The following OTUD7A variants were observed in gnomAD, a reference collection of about 807,000 sequenced individuals.
OTUD7A encodes the protein OTU domain-containing protein 7A.
OTUD7A carries 12 observed loss-of-function variants against 65.7 expected under a neutral mutation model. The ratio of observed to expected loss-of-function variants is 0.18; its 90% confidence interval spans 0.12 to 0.30. The LOEUF (loss-of-function observed/expected upper bound fraction) is 0.30, where lower values mean the gene tolerates loss of function less well. Among genes scored for constraint, OTUD7A ranks in the 10% least tolerant of loss-of-function variants. The pLI is 1.00. For missense variants in OTUD7A, 1,148 were observed against 1,304.8 expected, an observed-to-expected ratio of 0.88 and a Z score of 1.85; for synonymous variants, 641 against 586.3, an observed-to-expected ratio of 1.09 and a Z score of -1.35.
At chr15:31,860,631 ATATATATATATATGTATGTATGTG>A (rs1897697242) in intron 1 of OTUD7A, among the ~76,000 whole-genome samples, 2 of 122,588 alleles carry the variant, frequency 1.6e-5, no homozygotes, top group African/African-American at 5.7e-5. Flanking sequence ...AGATATATAT[ATATATATATATATGTATGTATGTG>A]TGTATATATA....
intron 1 of OTUD7A, among the ~76,000 whole-genome samples, chr15:31,774,872 T>C (rs905432): frequency 0.67 from 102,158 of 151,420 alleles, 35,265 homozygotes; most frequent in South Asian, 0.8. Flanking sequence ...ACCACCCAAG[T>C]GGATTGTGAC....
intron 1 of OTUD7A, among the ~76,000 whole-genome samples, chr15:31,769,988 T>G (rs1200842139): frequency 6.6e-6 from 1 of 152,170 alleles, no homozygotes; most frequent in Non-Finnish European, 1.5e-5. Context: ...ATTAAAAATG[T>G]AACTATATTA....
Position 31,484,689 on chromosome 15 carries a change from C to T in OTUD7A, c.1407G>A (p.Ser469=), listed in dbSNP as rs770011556. The change falls in exon 13 of 13, where the codon TCG becomes TCA. Residue 469 remains serine (S), a synonymous_variant. Coordinates refer to ENST00000307050, the MANE Select transcript of OTUD7A (RefSeq NM_001382637.1). The surrounding 1 kb of genome is among the most constrained non-coding windows in gnomAD (Gnocchi z 4.5). The stretch of plus-strand genomic sequence containing the variant: ...CCAGGGACTGCACGTCCTCCCCTGC[C>T]GAGGCCGTGGGAGACTCCGGCTGTG... ...PLAQPESPTA[S]AGEDVQSLAD... is the part of the protein sequence containing the mutation. 2.1e-5 allele frequency: 34 copies of T among 1,583,842 alleles called. No homozygotes were observed. The highest frequency in any genetic ancestry group is 1.6e-4 in the Middle Eastern group (1 of 6,070).
At chr15:31,695,141 G>A (rs1893047930) in intron 1 of OTUD7A, among the ~76,000 whole-genome samples, 1 of 152,026 alleles carries the variant, frequency 6.6e-6, no homozygotes. Context: ...CACCGCCCCG[G>A]CCATGTTTTA....
chr15:31,841,653 A>G (rs1234203905), intron 1 of OTUD7A, among the ~76,000 whole-genome samples: 1 of 152,288 alleles, frequency 6.6e-6, no homozygotes, highest in East Asian at 1.9e-4. Flanking sequence ...CTCTGTCAAG[A>G]CCAGTACTCC....
chr15:31,615,795 G>A (rs746023939), intron 3 of OTUD7A, among the ~76,000 whole-genome samples: 3 of 152,356 alleles, frequency 2.0e-5, no homozygotes, highest in South Asian at 2.1e-4. Flanking sequence ...CTGTGCCACC[G>A]TGCCCAGGTG....
intron 4 of OTUD7A, among the ~76,000 whole-genome samples, chr15:31,561,784 TCA>T (rs3075495): frequency 2.5e-4 from 37 of 150,454 alleles, no homozygotes; most frequent in Middle Eastern, 3.4e-3. Flanking sequence ...ACACACAGAG[TCA>T]CACACACACA....
chr15:31,856,513 C>T (rs1897578089), intron 1 of OTUD7A, among the ~76,000 whole-genome samples: 1 of 152,156 alleles, frequency 6.6e-6, no homozygotes, highest in Non-Finnish European at 1.5e-5. Context: ...GAACAAAATG[C>T]TGAGAGTGTG....
At chr15:31,575,454 ACAC>A (rs1889176671) in intron 3 of OTUD7A, among the ~76,000 whole-genome samples, 1 of 152,218 alleles carries the variant, frequency 6.6e-6, no homozygotes, top group African/African-American at 2.4e-5. Flanking sequence ...CACTACACTG[ACAC>A]CACAATTACC....
At chr15:31,841,728 T>G (rs1595807536) in intron 1 of OTUD7A, among the ~76,000 whole-genome samples, 1 of 152,266 alleles carries the variant, frequency 6.6e-6, no homozygotes, top group East Asian at 1.9e-4. Flanking sequence ...GACCCAAAAT[T>G]AATCCAAAAT....
intron 3 of OTUD7A, among the ~76,000 whole-genome samples, chr15:31,587,299 C>T (rs1889571946): frequency 1.3e-5 from 2 of 152,112 alleles, no homozygotes; most frequent in Admixed American, 1.3e-4. Context: ...CCCCAGTGTG[C>T]CCTGTCACCT....
intron 3 of OTUD7A, among the ~76,000 whole-genome samples, chr15:31,618,569 A>C (rs1314724235): frequency 6.6e-6 from 1 of 152,112 alleles, no homozygotes; most frequent in African/African-American, 2.4e-5. Context: ...TGGCTGCATA[A>C]ATGTCTTCTT....
At chr15:31,820,787 A>T (rs1896659667) in intron 1 of OTUD7A, among the ~76,000 whole-genome samples, 1 of 152,152 alleles carries the variant, frequency 6.6e-6, no homozygotes, top group Non-Finnish European at 1.5e-5. Context: ...TTTTTTGACC[A>T]GCTTTATTAA....
At chr15:31,869,449 G>A (rs1487609120) in intron 1 of OTUD7A, among the ~76,000 whole-genome samples, 5 of 152,134 alleles carry the variant, frequency 3.3e-5, no homozygotes, top group Non-Finnish European at 7.3e-5. Context: ...ACCTTTTCCT[G>A]GACACATTAT....
chr15:31,634,535 CTCTG>C (rs1345128392), intron 3 of OTUD7A, among the ~76,000 whole-genome samples: 1 of 152,234 alleles, frequency 6.6e-6, no homozygotes, highest in African/African-American at 2.4e-5. Context: ...CCCACCATGC[CTCTG>C]TCTGTCAAGG....
chr15:31,612,624 C>T (rs528178553), intron 3 of OTUD7A, among the ~76,000 whole-genome samples: 4 of 151,920 alleles, frequency 2.6e-5, no homozygotes, highest in African/African-American at 7.3e-5. Context: ...ACTACAAAAC[C>T]CTGGTGAAAT....
intron 3 of OTUD7A, among the ~76,000 whole-genome samples, chr15:31,611,358 A>T (rs776066698): frequency 1.3e-5 from 2 of 152,218 alleles, no homozygotes; most frequent in African/African-American, 2.4e-5. Context: ...ACAAAAGATA[A>T]ATGAAACAAA....
rs888981206 is a variant in OTUD7A at position 31,796,200 on chromosome 15, C to G, written c.-100+74307G>C. On this transcript the variant is annotated intron_variant, in intron 1 of 12. Transcript: ENST00000307050. ...ATGTATCTATGCATTATCTATCTAT[C>G]TATCTATCTATCTATCTATCTATCT... Among the ~76,000 whole-genome samples the G allele has an allele frequency of 3.1e-3, 262 of 83,310 alleles. 2 individuals carry two copies. Among genetic ancestry groups the G allele is most frequent in the African/African-American group, 0.01 (249 of 23,900 alleles). 54.7% of individuals were successfully genotyped at this position (83,310 alleles called of 152,430 possible).
At chr15:31,504,018 C>T (rs2041516895) in intron 8 of OTUD7A, among the ~76,000 whole-genome samples, 200 bp from the exon 9 acceptor site, 1 of 152,240 alleles carries the variant, frequency 6.6e-6, no homozygotes, top group South Asian at 2.1e-4. Flanking sequence ...CCCTACCCCA[C>T]CGTGGGAGCG....
Sources: allele counts gnomAD v4.1 joint callset (sites outside exome capture counted in the v4.1 genomes callset), GRCh38; gene constraint gnomAD v4.1.1; non-coding constraint Gnocchi (gnomAD v3.1); transcripts MANE v1.5; gene names NCBI Gene and HGNC (gene_info 2026-07-23, HGNC 2026-07-21).